The following SYT16 variants were observed in gnomAD, a reference collection of about 807,000 sequenced individuals.
SYT16 encodes the protein synaptotagmin-16.
Under a neutral mutation model 61.4 loss-of-function variants are expected in SYT16, and 42 were observed. The observed-to-expected ratio is 0.68, with a 90% CI of 0.53 to 0.89. The LOEUF (loss-of-function observed/expected upper bound fraction) is 0.89, where lower values mean the gene tolerates loss of function less well. SYT16 is among the 40% of genes least tolerant of loss of function. The pLI is 0.00. For synonymous variants in SYT16, 314 were observed against 302.3 expected, an observed-to-expected ratio of 1.04 and a Z score of -0.40; for missense variants, 804 against 807.3, an observed-to-expected ratio of 1.00 and a Z score of 0.05.
At chr14:61,952,548 G>A (rs905323875) in intron 1 of SYT16, among the ~76,000 whole-genome samples, 5 of 152,202 alleles carry the variant, frequency 3.3e-5, no homozygotes, top group Non-Finnish European at 5.9e-5. Flanking sequence ...TGCTAAGAAT[G>A]TACATTTTAA....
At chr14:62,027,430 G>C (rs1199346532) in intron 3 of SYT16, among the ~76,000 whole-genome samples, 1 of 152,180 alleles carries the variant, frequency 6.6e-6, no homozygotes, top group African/African-American at 2.4e-5. Context: ...GTCTGTATAA[G>C]GGCACATGGA....
intron 1 of SYT16, among the ~76,000 whole-genome samples, chr14:61,834,587 G>A (rs1594722829): frequency 2.0e-5 from 3 of 151,266 alleles, no homozygotes; most frequent in African/African-American, 7.3e-5. Context: ...ACAGGTGTGC[G>A]CCACCATGCC....
chr14:62,083,118 G>A (rs530137520), intron 6 of SYT16, among the ~76,000 whole-genome samples: 164 of 150,024 alleles, frequency 1.1e-3, no homozygotes, highest in Non-Finnish European at 1.6e-3. Context: ...TAGCCCTGCC[G>A]TTTACAAACT....
intron 1 of SYT16, among the ~76,000 whole-genome samples, chr14:61,867,952 T>C (rs1194559156): frequency 6.6e-6 from 1 of 152,132 alleles, no homozygotes. Context: ...TCTGTTAATA[T>C]GTTGAATTAC....
chr14:61,817,488 A>G (rs1232353318), intron 1 of SYT16, among the ~76,000 whole-genome samples: 7 of 152,294 alleles, frequency 4.6e-5, no homozygotes, highest in Admixed American at 4.6e-4. Context: ...AGCACCGGGA[A>G]GGACACAATG....
At chr14:61,937,359 T>G (rs1594954927) in intron 1 of SYT16, among the ~76,000 whole-genome samples, 4 of 152,234 alleles carry the variant, frequency 2.6e-5, no homozygotes, top group Admixed American at 2.6e-4. Context: ...TCCTTTGCCC[T>G]GGGGGAAGAC....
chr14:61,849,690 G>GA (rs2046552989), intron 1 of SYT16, among the ~76,000 whole-genome samples: 1 of 152,180 alleles, frequency 6.6e-6, no homozygotes, highest in East Asian at 1.9e-4. Flanking sequence ...CACTGTCGGG[G>GA]TGGGAGAGGG....
intron 2 of SYT16, among the ~76,000 whole-genome samples, chr14:61,986,501 T>G (rs2052321478): frequency 6.6e-6 from 1 of 151,492 alleles, no homozygotes; most frequent in African/African-American, 2.4e-5. Flanking sequence ...GTGCACAACA[T>G]GCAGGTTTGT....
chr14:62,095,352 C>T (rs551850662), intron 7 of SYT16, among the ~76,000 whole-genome samples: 3 of 151,678 alleles, frequency 2.0e-5, no homozygotes, highest in East Asian at 3.9e-4. Context: ...ATGAAGCTGC[C>T]ATTCATTATT....
chr14:62,090,190 A>G (rs1308731618), intron 7 of SYT16, among the ~76,000 whole-genome samples: 1 of 152,186 alleles, frequency 6.6e-6, no homozygotes, highest in African/African-American at 2.4e-5. Context: ...CATTGTGTTT[A>G]TATGTGTATA....
At chr14:62,030,642 G>C (rs773123441) in intron 3 of SYT16, among the ~76,000 whole-genome samples, 3 of 152,192 alleles carry the variant, frequency 2.0e-5, no homozygotes, top group Non-Finnish European at 4.4e-5. Context: ...TGATCAGTCT[G>C]CCATAGGTAT....
At chr14:61,906,401 G>C (rs1185065443) in intron 1 of SYT16, among the ~76,000 whole-genome samples, 1 of 152,180 alleles carries the variant, frequency 6.6e-6, no homozygotes, top group Non-Finnish European at 1.5e-5. Flanking sequence ...TCCCATCTCA[G>C]CCTTCTGAGT....
intron 1 of SYT16, among the ~76,000 whole-genome samples, chr14:61,885,708 G>T (rs2047872982): frequency 6.6e-6 from 1 of 152,160 alleles, no homozygotes. Flanking sequence ...TCAATTGAAT[G>T]AGTCACATAC....
intron 1 of SYT16, among the ~76,000 whole-genome samples, chr14:61,945,590 T>C (rs527294598): frequency 6.6e-6 from 1 of 152,082 alleles, no homozygotes; most frequent in South Asian, 2.1e-4. Context: ...GCGCGGTGGC[T>C]CACGCCTGTA....
At chr14:62,090,654 C>T (rs530457211) in intron 7 of SYT16, among the ~76,000 whole-genome samples, 1 of 152,294 alleles carries the variant, frequency 6.6e-6, no homozygotes, top group Admixed American at 6.5e-5. Context: ...CCTTTTTCTA[C>T]ATCAACTCTA....
At position 61,913,926 on chromosome 14, in the gene SYT16, G is replaced by A. The variant is rs8013721; in HGVS notation, c.-324-56206G>A. Among the ~76,000 whole-genome samples the A allele has an allele frequency of 2.6e-3, 391 of 152,224 alleles. 3 individuals are homozygous for A. Among genetic ancestry groups the A allele is most frequent in the African/African-American group, 9.1e-3 (377 of 41,524 alleles). On this transcript the variant is annotated intron_variant, in intron 1 of 7. Coordinates refer to ENST00000683842, the MANE Select transcript of SYT16 (RefSeq NM_001367656.1). ...GGAAAATAATGCACACACTATTAGA[G>A]AAGCTCCAGATTTACTGGCCAGTCT...
chr14:61,827,675 T>C (rs2045813619), intron 1 of SYT16, among the ~76,000 whole-genome samples: 1 of 152,190 alleles, frequency 6.6e-6, no homozygotes, highest in African/African-American at 2.4e-5. Flanking sequence ...CTCTATCTTA[T>C]TTTGGATTAT....
At chr14:62,066,274 A>G (rs2140932642) in intron 3 of SYT16, among the ~76,000 whole-genome samples, 1 of 152,332 alleles carries the variant, frequency 6.6e-6, no homozygotes, top group African/African-American at 2.4e-5. Context: ...CTCCAGCACT[A>G]TGATTAGAAA....
chr14:62,008,260 A>G (rs2053305315), intron 3 of SYT16, among the ~76,000 whole-genome samples: 1 of 152,062 alleles, frequency 6.6e-6, no homozygotes, highest in Non-Finnish European at 1.5e-5. Context: ...GGAGCCTTAC[A>G]GTGGGAGGAG....
Sources: allele counts gnomAD v4.1 joint callset (sites outside exome capture counted in the v4.1 genomes callset), GRCh38; gene constraint gnomAD v4.1.1; transcripts MANE v1.5; gene names NCBI Gene and HGNC (gene_info 2026-07-23, HGNC 2026-07-21).